SPOCK1: variants seen among roughly 807,000 people sequenced by gnomAD.
SPOCK1 encodes SPARC (osteonectin), cwcv and kazal like domains proteoglycan 1.
SPOCK1 carries 23 observed loss-of-function variants against 55.3 expected under a neutral mutation model. The observed-to-expected ratio is 0.42, with a 90% CI of 0.30 to 0.59. The LOEUF is 0.59. SPOCK1 is among the 20% of genes least tolerant of loss of function. SPOCK1 has a pLI of 0.22. For synonymous variants in SPOCK1, 226 were observed against 221.0 expected (o/e 1.02, Z -0.20); for missense variants, 499 against 552.5 (o/e 0.90, Z 0.97).
intron 7 of SPOCK1, among the ~76,000 whole-genome samples, chr5:136,989,329 A>AAAAT (rs1260759825): frequency 6.6e-6 from 1 of 152,260 alleles, no homozygotes; most frequent in Non-Finnish European, 1.5e-5. Flanking sequence ...TGTATGCACT[A>AAAAT]AAATAATAAC....
intron 3 of SPOCK1, among the ~76,000 whole-genome samples, chr5:137,240,492 T>C (rs1363713126): frequency 1.3e-5 from 2 of 152,186 alleles, no homozygotes; most frequent in Admixed American, 1.3e-4. Flanking sequence ...GGCTAAGCCA[T>C]TCATGAGGGC....
At chr5:136,993,392 T>G (rs1750984738) in intron 6 of SPOCK1, among the ~76,000 whole-genome samples, 3 of 151,794 alleles carry the variant, frequency 2.0e-5, no homozygotes, top group East Asian at 1.9e-4. Flanking sequence ...GAGAAGGGAG[T>G]TGACTTTCCC....
chr5:137,160,632 TATATAA>T (rs1561631864), intron 3 of SPOCK1, among the ~76,000 whole-genome samples: 2 of 98,620 alleles, frequency 2.0e-5, no homozygotes, highest in African/African-American at 8.0e-5. Context: ...TTTTATATAA[TATATAA>T]TATATATTTT....
At chr5:137,495,542 TAAC>T (rs1429738092) in intron 2 of SPOCK1, among the ~76,000 whole-genome samples, 1 of 152,200 alleles carries the variant, frequency 6.6e-6, no homozygotes, top group Admixed American at 6.5e-5. Flanking sequence ...ACATGCATCA[TAAC>T]AATAATTGTG....
intron 3 of SPOCK1, among the ~76,000 whole-genome samples, chr5:137,221,094 G>A (rs115611282): frequency 1.7e-3 from 256 of 152,292 alleles, no homozygotes; most frequent in African/African-American, 5.8e-3. Context: ...AAATATCTAT[G>A]TAGAAACATA....
intron 2 of SPOCK1, among the ~76,000 whole-genome samples, chr5:137,321,474 A>G (rs558719338): frequency 6.6e-6 from 1 of 152,346 alleles, no homozygotes; most frequent in Non-Finnish European, 1.5e-5. Flanking sequence ...AGCAAGAAAA[A>G]AGTAACTCAT....
At chr5:137,381,795 T>A (rs1751476565) in intron 2 of SPOCK1, among the ~76,000 whole-genome samples, 1 of 152,266 alleles carries the variant, frequency 6.6e-6, no homozygotes, top group South Asian at 2.1e-4. Context: ...CACAAAGGTA[T>A]CTGAAATGCC....
chr5:137,377,161 C>A (rs549179470), intron 2 of SPOCK1, among the ~76,000 whole-genome samples: 1 of 152,310 alleles, frequency 6.6e-6, no homozygotes, highest in South Asian at 2.1e-4. Flanking sequence ...TTAATTGTAC[C>A]AGCACTTCCA....
rs1751589908 is a variant in SPOCK1, at chr5:137,385,868, A to G, written c.186+112505T>C. 3.9e-5 allele frequency among the ~76,000 whole-genome samples: 6 copies of G among 152,364 alleles called. No individual in the cohort carries two copies. In the South Asian group the frequency reaches 1.2e-3, roughly 32 times the overall value. ...AAACTTTTTCTGTCAAGGGCCAGAT[A>G]GTAAATATTTTAGGCTTTCTGGGCC... is the stretch of plus-strand genomic sequence containing the variant. On this transcript the variant is annotated intron_variant, in intron 2 of 10. Coordinates refer to ENST00000394945, the MANE Select transcript of SPOCK1 (RefSeq NM_004598.4).
At chr5:137,132,754 GA>G (rs1409440791) in intron 4 of SPOCK1, among the ~76,000 whole-genome samples, 1 of 152,192 alleles carries the variant, frequency 6.6e-6, no homozygotes, top group African/African-American at 2.4e-5. Context: ...GGGGTCAATG[GA>G]AAATATGAAC....
intron 2 of SPOCK1, among the ~76,000 whole-genome samples, chr5:137,477,590 G>C (rs1252443208): frequency 6.6e-6 from 1 of 152,184 alleles, no homozygotes; most frequent in Non-Finnish European, 1.5e-5. Context: ...TTCTGGCTAA[G>C]ATATCAAAGC....
chr5:137,035,822 C>T (rs17521509), intron 6 of SPOCK1, among the ~76,000 whole-genome samples: 46,642 of 152,158 alleles, frequency 0.31, 7,977 homozygotes, highest in Middle Eastern at 0.39. Context: ...CTAAGCTGAA[C>T]AAAGGCAGTG....
chr5:137,283,970 T>C lies in SPOCK1; in HGVS notation c.187-16915A>G, dbSNP rs141009523. Among the ~76,000 whole-genome samples, 550 of 152,348 alleles carry C rather than the reference T, an allele frequency of 3.6e-3. 3 individuals are homozygous for C. The highest frequency in any genetic ancestry group is 0.013 in the African/African-American group (523 of 41,584). ...ACTGTAACTTGAGCCTGTGTTCACC[T>C]ACAACAGGAAGCAAATGAATGTTTA... On this transcript the variant is annotated intron_variant, in intron 2 of 10. Transcript: ENST00000394945.
chr5:137,478,874 A>G (rs2149841724), intron 2 of SPOCK1, among the ~76,000 whole-genome samples: 1 of 152,244 alleles, frequency 6.6e-6, no homozygotes, highest in Non-Finnish European at 1.5e-5. Flanking sequence ...GGGGCAGGCA[A>G]CAAGCTTTCA....
At chr5:137,320,579 GC>G (rs1267393808) in intron 2 of SPOCK1, among the ~76,000 whole-genome samples, 1 of 152,188 alleles carries the variant, frequency 6.6e-6, no homozygotes, top group Non-Finnish European at 1.5e-5. Context: ...AGAGCTCAAT[GC>G]CAGAAAAAGC....
At chr5:137,391,456 C>A (rs1170889598) in intron 2 of SPOCK1, among the ~76,000 whole-genome samples, 1 of 152,080 alleles carries the variant, frequency 6.6e-6, no homozygotes, top group Non-Finnish European at 1.5e-5. Flanking sequence ...TACAGGCTAC[C>A]TTAAGGAGAA....
rs896893915 is a variant in SPOCK1, at chr5:136,975,440, T to G, written c.*3214A>C. 3.3e-5 allele frequency: 5 copies of G among 152,664 alleles called. No individual in the cohort carries two copies. The highest frequency in any genetic ancestry group is 4.4e-5 in the Non-Finnish European group (3 of 68,042). The allele number at this position is 152,664 out of a possible 1,614,324, so 9.5% of individuals were successfully genotyped here. ...AAGCATTCAGAATTTACTAGGTTTT[T>G]GCTACATCACTATTTCATCTACAAT... On this transcript the variant is annotated 3_prime_UTR_variant, in exon 11 of 11. Coordinates refer to ENST00000394945, the MANE Select transcript of SPOCK1 (RefSeq NM_004598.4).
chr5:137,356,834 T>TAGAGAGAGAGAG (rs1231164356), intron 2 of SPOCK1, among the ~76,000 whole-genome samples: 14 of 9,462 alleles, frequency 1.5e-3, no homozygotes, highest in South Asian at 5.8e-3. Context: ...TATATATATA[T>TAGAGAGAGAGAG]ATATAGAGAG....
chr5:137,422,605 G>A (rs752206710), intron 2 of SPOCK1, among the ~76,000 whole-genome samples: 8 of 151,600 alleles, frequency 5.3e-5, no homozygotes, highest in South Asian at 2.1e-4. Context: ...CATTCGTCAC[G>A]TAGTTCCCAT....
Sources: allele counts gnomAD v4.1 joint callset (sites outside exome capture counted in the v4.1 genomes callset), GRCh38; gene constraint gnomAD v4.1.1; transcripts MANE v1.5; gene names NCBI Gene and HGNC (gene_info 2026-07-23, HGNC 2026-07-21).